Variants in HHAT observed in about 807,000 individuals in gnomAD.
HHAT encodes hedgehog acyltransferase, also known as protein-cysteine N-palmitoyltransferase HHAT.
A neutral mutation model predicts 70.8 loss-of-function variants in HHAT; 47 were observed. The ratio of observed to expected loss-of-function variants is 0.66; its 90% CI spans 0.53 to 0.85. HHAT has a LOEUF of 0.85. HHAT is among the 40% of genes least tolerant of loss of function. The pLI is 0.00. For synonymous variants in HHAT, 228 were observed against 247.6 expected (o/e 0.92, Z 0.74); for missense variants, 609 against 604.8 (o/e 1.01, Z -0.07).
rs528541165 is a variant in HHAT at position 210,396,726 on chromosome 1, G to A, written c.274-3742G>A. On this transcript the variant is annotated intron_variant, in intron 4 of 11. Transcript: ENST00000261458. ...AGTAGGTTAATGGCTAACAAGCTGT[G>A]GTATATCCACATCATGGAACACTAC... Among the ~76,000 whole-genome samples, 3 of 152,246 alleles carry A rather than the reference G, an allele frequency of 2.0e-5. No homozygotes were observed. The South Asian group carries it at 6.2e-4, about 32-fold the overall frequency.
chr1:210,417,855 G>T (rs187702764), intron 6 of HHAT, among the ~76,000 whole-genome samples: 1 of 152,044 alleles, frequency 6.6e-6, no homozygotes, highest in South Asian at 2.1e-4. Flanking sequence ...TGCCCTCCCC[G>T]CTTGGGTTTT....
intron 5 of HHAT, among the ~76,000 whole-genome samples, chr1:210,402,130 C>T (rs1038279980): frequency 1.3e-5 from 2 of 152,214 alleles, no homozygotes; most frequent in African/African-American, 4.8e-5. Context: ...GAAGTGGGAG[C>T]TTTCTTTTAA....
chr1:210,415,702 A>G (rs1222528569), intron 6 of HHAT, among the ~76,000 whole-genome samples: 1 of 152,106 alleles, frequency 6.6e-6, no homozygotes, highest in East Asian at 1.9e-4. Context: ...TCTGTCACCC[A>G]GGGTGGAGCG....
intron 4 of HHAT, among the ~76,000 whole-genome samples, chr1:210,394,268 A>G (rs975141402): frequency 1.3e-4 from 14 of 108,014 alleles, no homozygotes; most frequent in Non-Finnish European, 1.7e-4. Context: ...TTTTTTTGCC[A>G]TGGTAAGAAA....
At chr1:210,474,746 C>T (rs542632844) in intron 8 of HHAT, among the ~76,000 whole-genome samples, 1 of 151,352 alleles carries the variant, frequency 6.6e-6, no homozygotes, top group Non-Finnish European at 1.5e-5. Flanking sequence ...GTGAGTCTGA[C>T]GAGGAGGGAA....
chr1:210,436,714 T>C (rs2093384801), intron 7 of HHAT, among the ~76,000 whole-genome samples: 2 of 151,788 alleles, frequency 1.3e-5, no homozygotes, highest in Admixed American at 6.6e-5. Context: ...GACATGGCAA[T>C]ACTAGGTGAT....
intron 1 of HHAT, among the ~76,000 whole-genome samples, chr1:210,332,183 G>A (rs970268000): frequency 6.6e-6 from 1 of 152,188 alleles, no homozygotes. Flanking sequence ...TCTTTGGCCC[G>A]AGTAGTGAAA....
At position 210,350,291 on chromosome 1, in the gene HHAT, CTG is replaced by C. The variant is rs576218414; in HGVS notation, c.91+1228_91+1229del. 6.6e-5 allele frequency among the ~76,000 whole-genome samples: 10 copies of C among 152,182 alleles called. No individual in the cohort carries two copies. In the South Asian group the frequency reaches 2.1e-3, roughly 32 times the overall value. On this transcript the variant is annotated intron_variant, in intron 2 of 11. Coordinates refer to ENST00000261458, the MANE Select transcript of HHAT (RefSeq NM_018194.6). ...CTTAAGCAGCAAATGGACTAATAAA[CTG>C]TGGTACATTCGGACAATGGAATTTG...
At chr1:210,481,506 T>C (rs1259551246) in intron 8 of HHAT, among the ~76,000 whole-genome samples, 1 of 152,052 alleles carries the variant, frequency 6.6e-6, no homozygotes, top group Admixed American at 6.6e-5. Flanking sequence ...CTTTTAACAA[T>C]GAAATCGCCA....
At chr1:210,629,553 A>AT (rs1477390004) in intron 11 of HHAT, among the ~76,000 whole-genome samples, 1 of 152,188 alleles carries the variant, frequency 6.6e-6, no homozygotes, top group African/African-American at 2.4e-5. Context: ...ACACAAGTTT[A>AT]TTTTTCTTAC....
At chr1:210,376,430 G>A (rs1192887195) in intron 3 of HHAT, among the ~76,000 whole-genome samples, 1 of 152,154 alleles carries the variant, frequency 6.6e-6, no homozygotes, top group African/African-American at 2.4e-5. Context: ...ATAAATGTGT[G>A]TACTATATCT....
chr1:210,497,319 ATGAC>A (rs2094666452), intron 8 of HHAT, among the ~76,000 whole-genome samples: 1 of 152,190 alleles, frequency 6.6e-6, no homozygotes, highest in Admixed American at 6.5e-5. Context: ...ACTAGTGTAA[ATGAC>A]TGAAAAATAA....
intron 8 of HHAT, among the ~76,000 whole-genome samples, chr1:210,482,306 G>A (rs1046217488): frequency 6.6e-6 from 1 of 152,170 alleles, no homozygotes; most frequent in Non-Finnish European, 1.5e-5. Context: ...ATCTCAAGGA[G>A]AGTTAAACTG....
chr1:210,670,633 A>G lies in HHAT; in HGVS notation c.1391-3655A>G, dbSNP rs1467182911. Among the ~76,000 whole-genome samples, 3 of 152,152 alleles carry G rather than the reference A, an allele frequency of 2.0e-5. No individual in the cohort carries two copies. The East Asian group carries it at 5.8e-4, about 29-fold the overall frequency. The stretch of plus-strand genomic sequence containing the variant: ...ATTCATGATGATTCTGTCATCACAA[A>G]TCTTACTCCTGAGGTTAGGAAAGGA... On this transcript the variant is annotated intron_variant, in intron 11 of 11. Transcript: ENST00000261458.
chr1:210,553,651 A>T (rs1052168031), intron 9 of HHAT, among the ~76,000 whole-genome samples: 7 of 152,212 alleles, frequency 4.6e-5, no homozygotes, highest in African/African-American at 1.4e-4. Context: ...AGAGTGAAAC[A>T]TCTTGGTGTT....
intron 7 of HHAT, among the ~76,000 whole-genome samples, chr1:210,433,363 T>A (rs1407477383): frequency 6.6e-6 from 1 of 151,686 alleles, no homozygotes; most frequent in Non-Finnish European, 1.5e-5. Context: ...TCCAGATGAG[T>A]GATTGATACA....
In HHAT at chr1:210,674,340, C is replaced by G; in HGVS notation, c.1443C>G (p.His481Gln). ...TGGGATTCCTGTACTGCTACTCCCA[C>G]GTGGGCATTGCCTGGGCCCAGACCT... is the stretch of plus-strand genomic sequence containing the variant. ...SVLGFLYCYS[H>Q]VGIAWAQTYA... is the part of the protein sequence containing the mutation. The change falls in exon 12 of 12, where the codon CAC becomes CAG. Residue 481 changes from histidine (H) to glutamine (Q), a missense_variant. Coordinates refer to ENST00000261458, the MANE Select transcript of HHAT (RefSeq NM_018194.6). 6.2e-7 allele frequency: 1 copy of G among 1,614,214 alleles called. No homozygotes were observed. The highest frequency in any genetic ancestry group is 8.5e-7 in the Non-Finnish European group (1 of 1,180,036).
chr1:210,476,829 A>G (rs991567556), intron 8 of HHAT, among the ~76,000 whole-genome samples: 1 of 152,192 alleles, frequency 6.6e-6, no homozygotes, highest in African/African-American at 2.4e-5. Flanking sequence ...TTGGCTGCCA[A>G]CTAAAACCCA....
intron 9 of HHAT, among the ~76,000 whole-genome samples, chr1:210,558,659 G>T (rs1307665082): frequency 2.0e-5 from 3 of 152,214 alleles, no homozygotes; most frequent in African/African-American, 4.8e-5. Flanking sequence ...ACAGGCTTTG[G>T]TGAAGTGAGG....
Sources: allele counts gnomAD v4.1 joint callset (sites outside exome capture counted in the v4.1 genomes callset), GRCh38; gene constraint gnomAD v4.1.1; transcripts MANE v1.5; gene names NCBI Gene and HGNC (gene_info 2026-07-23, HGNC 2026-07-21).